BMPR1A: variants seen among roughly 807,000 people sequenced by gnomAD.
BMPR1A encodes bone morphogenetic protein receptor type-1A.
Under a neutral mutation model 66.0 loss-of-function variants are expected in BMPR1A, and 7 were observed. The observed-to-expected ratio is 0.11, with a 90% CI of 0.06 to 0.20. BMPR1A has a LOEUF of 0.20. Ranked by LOEUF, BMPR1A falls within the 10% of genes least tolerant of loss-of-function variation. BMPR1A has a pLI of 1.00. For synonymous variants in BMPR1A, 200 were observed against 229.7 expected, an observed-to-expected ratio of 0.87 and a Z score of 1.17; for missense variants, 408 against 669.1, an observed-to-expected ratio of 0.61 and a Z score of 4.31.
chr10:86,805,301 C>T (rs1051455953), intron 1 of BMPR1A, among the ~76,000 whole-genome samples: 3 of 151,606 alleles, frequency 2.0e-5, no homozygotes, highest in African/African-American at 4.9e-5. Flanking sequence ...AATCTTCATA[C>T]CCACATTCAC....
intron 9 of BMPR1A, 116 bp from the exon 10 acceptor site, chr10:86,919,056 A>T: frequency 8.7e-7 from 1 of 1,153,444 alleles, no homozygotes; most frequent in Non-Finnish European, 1.3e-6. Context: ...CAGGCGAATT[A>T]AAGTTTCACT....
At chr10:86,837,249 G>GTGTGTGTGTGTGTC (rs1554883393) in intron 1 of BMPR1A, among the ~76,000 whole-genome samples, 76 of 148,822 alleles carry the variant, frequency 5.1e-4, no homozygotes, top group African/African-American at 1.7e-3. Context: ...GTGTGTGTCT[G>GTGTGTGTGTGTGTC]TGTGTGTGTG....
At chr10:86,859,016 C>T (rs1842679895) in intron 2 of BMPR1A, among the ~76,000 whole-genome samples, 1 of 152,206 alleles carries the variant, frequency 6.6e-6, no homozygotes, top group African/African-American at 2.4e-5. Flanking sequence ...TACCAGACTT[C>T]AAGATATACT....
At chr10:86,917,604 G>C (rs1047575559) in intron 9 of BMPR1A, among the ~76,000 whole-genome samples, 4 of 152,178 alleles carry the variant, frequency 2.6e-5, no homozygotes, top group Admixed American at 1.3e-4. Context: ...GTCTTTTATA[G>C]ATAACTTAAG....
intron 5 of BMPR1A, among the ~76,000 whole-genome samples, chr10:86,896,363 T>C (rs1843224841): frequency 6.6e-6 from 1 of 152,142 alleles, no homozygotes; most frequent in African/African-American, 2.4e-5. Context: ...TTGTAACATA[T>C]ATATTGTTTT....
intron 1 of BMPR1A, among the ~76,000 whole-genome samples, chr10:86,777,645 C>T (rs1285275241): frequency 1.3e-5 from 2 of 151,956 alleles, no homozygotes; most frequent in East Asian, 3.9e-4. Flanking sequence ...CACAGTGTTA[C>T]AATATTGTTC....
In BMPR1A at chr10:86,890,236, ATGCAGCCCTTCTTAAGAG is replaced by A. The variant is rs1843128867; in HGVS notation, c.230+14_230+31del. On this transcript the variant is annotated intron_variant, in intron 4 of 12. Coordinates refer to ENST00000372037, the MANE Select transcript of BMPR1A (RefSeq NM_004329.3). ...AATAACACATGCATGTAAGTATTTTATGCAGCCCTTCTTAAGAGTTAGGAGAATAGAGTTGCATTTAGT... is the reference window on the plus strand; with the variant it reads ...AATAACACATGCATGTAAGTATTTTATTAGGAGAATAGAGTTGCATTTAGT... The A allele has an allele frequency of 6.2e-7, 1 of 1,613,680 alleles. No homozygotes were observed. The highest frequency in any genetic ancestry group is 8.5e-7 in the Non-Finnish European group (1 of 1,179,702).
chr10:86,775,933 G>A (rs1456623864), intron 1 of BMPR1A, among the ~76,000 whole-genome samples: 1 of 152,064 alleles, frequency 6.6e-6, no homozygotes, highest in Non-Finnish European at 1.5e-5. Flanking sequence ...CTTTTCGGCT[G>A]CTCACCCTGG....
At position 86,756,625 on chromosome 10, in the gene BMPR1A, C is replaced by CGGCGGCGGT. The variant is rs1379219599; in HGVS notation, c.-553_-545dup. On this transcript the variant is annotated 5_prime_UTR_variant, in exon 1 of 13. Coordinates refer to ENST00000372037, the MANE Select transcript of BMPR1A (RefSeq NM_004329.3). ...CGCCCCCTCCCCTCCTGGCAAGAGT[C>CGGCGGCGGT]GGCGGCGGTGGCGGCGGCCGCTGCA... 3 of 151,346 alleles carry CGGCGGCGGT rather than the reference C, an allele frequency of 2.0e-5. No homozygotes were observed. Among genetic ancestry groups the CGGCGGCGGT allele is most frequent in the African/African-American group, 4.8e-5 (2 of 41,272 alleles). The allele number at this position is 151,346 out of a possible 1,614,324, so 9.4% of individuals were successfully genotyped here.
chr10:86,762,322 G>A (rs925160405), intron 1 of BMPR1A, among the ~76,000 whole-genome samples: 1 of 152,206 alleles, frequency 6.6e-6, no homozygotes. Flanking sequence ...AGAACTCCTT[G>A]TATGGTCTAG....
In BMPR1A at chr10:86,876,065, T is replaced by A. The variant is rs151235720; in HGVS notation, c.47T>A (p.Phe16Tyr). The change falls in exon 3 of 13, where the codon TTC (phenylalanine) becomes TAC (tyrosine). Residue 16 changes from phenylalanine to tyrosine, a missense_variant. This residue lies in a region of BMPR1A where 68 missense variants were observed against 83.0 expected (regional missense o/e 0.82). Transcript: ENST00000372037. ...ATCAGATTATTGGGAGCCTATTTGT[T>A]CATCATTTCTCGTGTTCAAGGTAAA... The part of the protein sequence containing the change: ...IYIRLLGAYL[F>Y]IISRVQGQNL... 3 of 1,611,314 alleles carry A rather than the reference T, an allele frequency of 1.9e-6. No individual in the cohort carries two copies. In the African/African-American group the frequency reaches 4.0e-5, roughly 22 times the overall value.
chr10:86,793,504 C>T (rs1460128474), intron 1 of BMPR1A, among the ~76,000 whole-genome samples: 1 of 151,844 alleles, frequency 6.6e-6, no homozygotes, highest in African/African-American at 2.4e-5. Flanking sequence ...GCTGGGATTA[C>T]AGGTGCATGC....
At chr10:86,764,670 T>G (rs1841135169) in intron 1 of BMPR1A, among the ~76,000 whole-genome samples, 1 of 152,216 alleles carries the variant, frequency 6.6e-6, no homozygotes, top group Non-Finnish European at 1.5e-5. Context: ...CCTTTCCTAC[T>G]ATTTTATCAG....
At chr10:86,908,620 AC>A (rs1843431885) in intron 7 of BMPR1A, among the ~76,000 whole-genome samples, 1 of 152,178 alleles carries the variant, frequency 6.6e-6, no homozygotes, top group South Asian at 2.1e-4. Flanking sequence ...TTCAGCTCTT[AC>A]CACGTCATTG....
intron 5 of BMPR1A, among the ~76,000 whole-genome samples, chr10:86,896,556 T>TA (rs1220376111): frequency 6.6e-6 from 1 of 152,150 alleles, no homozygotes; most frequent in Non-Finnish European, 1.5e-5. Flanking sequence ...CAAGGAGAAA[T>TA]AAGAGTTCTA....
At chr10:86,774,965 G>C (rs1039571749) in intron 1 of BMPR1A, among the ~76,000 whole-genome samples, 48 of 152,134 alleles carry the variant, frequency 3.2e-4, no homozygotes, top group African/African-American at 1.1e-3. Flanking sequence ...CAAACCCAAC[G>C]GGTAAAATAC....
rs755020165 is a variant in BMPR1A at position 86,921,734 on chromosome 10, C to T, written c.1342+39C>T. Reference sequence around the variant, plus strand: ...TAGTTTCTGATTATGTTGATTTACTCATCATTTTAAAAATAACAGCTCCAG... The same window carrying T: ...TAGTTTCTGATTATGTTGATTTACTTATCATTTTAAAAATAACAGCTCCAG... On this transcript the variant is annotated intron_variant, in intron 11 of 12. Transcript: ENST00000372037. 5 of 1,613,374 alleles carry T rather than the reference C, an allele frequency of 3.1e-6. No homozygotes were observed. In the Admixed American group the frequency reaches 6.7e-5, roughly 22 times the overall value.
intron 2 of BMPR1A, among the ~76,000 whole-genome samples, chr10:86,863,757 C>T (rs911452356): frequency 1.3e-5 from 2 of 152,150 alleles, no homozygotes; most frequent in South Asian, 2.1e-4. Context: ...CGCCCCTGAA[C>T]TTTTTGTGGC....
chr10:86,866,413 T>C lies in BMPR1A; in HGVS notation c.-152-9454T>C, dbSNP rs1279714444. Among the ~76,000 whole-genome samples, 159 of 129,302 alleles carry C rather than the reference T, an allele frequency of 1.2e-3. 10 individuals are homozygous for C. The highest frequency in any genetic ancestry group is 4.5e-3 in the African/African-American group (148 of 32,686). The allele number at this position is 129,302 out of a possible 152,430, so 84.8% of individuals were successfully genotyped here. ...CAAGTTTCTTTCTTTTTTTTTTTTT[T>C]TTTTTTTTTTTTTGAGATGGAGTCT... is the stretch of plus-strand genomic sequence containing the variant. On this transcript the variant is annotated intron_variant, in intron 2 of 12. Transcript: ENST00000372037.
Sources: gnomAD v4.1 joint callset for allele counts (sites outside exome capture counted in the v4.1 genomes callset) on GRCh38, gnomAD v4.1.1 for gene constraint, gnomAD v4.1.1 regional missense constraint, MANE v1.5 for transcripts, NCBI Gene and HGNC (gene_info 2026-07-23, HGNC 2026-07-21) for gene names.